Variants in PCDH10 observed in about 807,000 individuals in gnomAD.
PCDH10 encodes the protein protocadherin-10.
A neutral mutation model predicts 74.4 loss-of-function variants in PCDH10; 15 were observed. The observed-to-expected ratio is 0.20, with a 90% CI of 0.13 to 0.31. The LOEUF (loss-of-function observed/expected upper bound fraction) is 0.31. PCDH10 is among the 10% of genes least tolerant of loss of function. The pLI, the probability that PCDH10 is intolerant of heterozygous loss-of-function variation, is 1.00. For synonymous variants in PCDH10, 619 were observed against 589.8 expected, an observed-to-expected ratio of 1.05 and a Z score of -0.72; for missense variants, 1,260 against 1,390.2, an observed-to-expected ratio of 0.91 and a Z score of 1.49.
chr4:133,206,013 C>T (rs912915646), intron 2 of PCDH10, among the ~76,000 whole-genome samples: 3 of 152,100 alleles, frequency 2.0e-5, no homozygotes, highest in Non-Finnish European at 2.9e-5. Flanking sequence ...TACTCTAAAA[C>T]GCTGAAGATA....
intron 4 of PCDH10, among the ~76,000 whole-genome samples, chr4:133,165,629 GT>G (rs202005515): frequency 3.6e-5 from 5 of 138,568 alleles, no homozygotes; most frequent in East Asian, 3.6e-4. Context: ...AAGTTGTAGA[GT>G]TTTTTTGCTA....
rs1294853304 is a variant in PCDH10 at position 133,152,080 on chromosome 4, A to T, written c.1940A>T (p.Lys647Met). ...CGCACAGCACGCCGAGTCCCGGCCA[A>T]GCGCGACCCCCAGCGGCCTTATGAG... ...ELRTARRVPAKRDPQRPYELV... is the reference protein window; with the variant it reads ...ELRTARRVPAMRDPQRPYELV... Residue 647 changes from lysine (K) to methionine (M), a missense_variant, in exon 1 of 5, where the codon AAG becomes ATG. Lys to Met is a moderately conservative substitution (Grantham distance 95, BLOSUM62 -1). This residue lies in a region of PCDH10 where 587 missense variants were observed against 616.9 expected (regional missense o/e 0.95). Coordinates refer to ENST00000264360, the MANE Select transcript of PCDH10 (RefSeq NM_032961.3). 6.2e-7 allele frequency: 1 copy of T among 1,600,176 alleles called. No individual in the cohort carries two copies. Among genetic ancestry groups the T allele is most frequent in the Non-Finnish European group, 8.5e-7 (1 of 1,173,926 alleles).
chr4:133,181,825 T>A (rs1355008450), intron 4 of PCDH10, among the ~76,000 whole-genome samples: 1 of 152,124 alleles, frequency 6.6e-6, no homozygotes, highest in Non-Finnish European at 1.5e-5. Context: ...ATTTACACAC[T>A]GTTTCTACGT....
chr4:133,194,228 C>A lies in PCDH10; in HGVS notation c.*4068C>A, dbSNP rs772676836. The A allele has an allele frequency of 2.6e-5, 4 of 151,746 alleles. No individual in the cohort carries two copies. Among genetic ancestry groups the A allele is most frequent in the African/African-American group, 9.7e-5 (4 of 41,398 alleles). 9.4% of individuals were successfully genotyped at this position (151,746 alleles called of 1,614,324 possible). Reference sequence around the variant, plus strand: ...AAAATTAGAAAAATTGCTTTTATTTCTTGAAAAGTTGTCACATGCTTAGTT... The same window carrying A: ...AAAATTAGAAAAATTGCTTTTATTTATTGAAAAGTTGTCACATGCTTAGTT... On this transcript the variant is annotated 3_prime_UTR_variant, in exon 5 of 5. Coordinates refer to ENST00000264360, the MANE Select transcript of PCDH10 (RefSeq NM_032961.3).
In PCDH10 at chr4:133,150,492, A is replaced by C; in HGVS notation, c.352A>C (p.Asn118His). Residue 118 changes from asparagine to histidine, a missense_variant, in exon 1 of 5, where the codon AAC (asparagine) becomes CAC (histidine). Transcript: ENST00000264360. ...GATCGAGGTGCTGGACATTAATGAC[A>C]ACCCCCCCTCTTTCCCGGAGCCAGA... Reference protein sequence around the residue: ...VEIEVLDINDNPPSFPEPDLT... With the variant: ...VEIEVLDINDHPPSFPEPDLT... The C allele has an allele frequency of 6.2e-7, 1 of 1,611,954 alleles. No individual in the cohort carries two copies. The highest frequency in any genetic ancestry group is 8.5e-7 in the Non-Finnish European group (1 of 1,179,328).
In PCDH10 at chr4:133,149,946, A is replaced by AAAAATGAG. The variant is rs1484770838; in HGVS notation, c.-194_-187dup. 5.8e-6 allele frequency: 4 copies of AAAAATGAG among 685,870 alleles called. No homozygotes were observed. Among genetic ancestry groups the AAAAATGAG allele is most frequent in the Non-Finnish European group, 8.6e-6 (4 of 464,914 alleles). The allele number at this position is 685,870 out of a possible 1,614,324, so 42.5% of individuals were successfully genotyped here. ...ACCCTTCCTGTGCTAAGATTTAAAA[A>AAAAATGAG]AAAATGAGGCTGGATTGCGGGAAGC... On this transcript the variant is annotated 5_prime_UTR_variant, in exon 1 of 5. It adds an upstream start codon to the 5' untranslated region. Transcript: ENST00000264360.
chr4:133,200,209 T>C (rs1323699074), intron 2 of PCDH10, among the ~76,000 whole-genome samples: 1 of 151,994 alleles, frequency 6.6e-6, no homozygotes, highest in Non-Finnish European at 1.5e-5. Flanking sequence ...AACTTTCTCA[T>C]TAATAATGTT....
At chr4:133,183,604 C>A (rs1007029837) in intron 4 of PCDH10, among the ~76,000 whole-genome samples, 1 of 152,092 alleles carries the variant, frequency 6.6e-6, no homozygotes, top group African/African-American at 2.4e-5. Flanking sequence ...TTTTGAAATT[C>A]TCTTGGTAGT....
intron 4 of PCDH10, among the ~76,000 whole-genome samples, chr4:133,176,178 A>G (rs2125868240): frequency 6.6e-6 from 1 of 152,170 alleles, no homozygotes; most frequent in East Asian, 1.9e-4. Flanking sequence ...CTTATAGCCT[A>G]CTATGGATTT....
intron 4 of PCDH10, among the ~76,000 whole-genome samples, chr4:133,189,714 T>C (rs1422277391): frequency 6.6e-6 from 1 of 152,046 alleles, no homozygotes; most frequent in African/African-American, 2.4e-5. Flanking sequence ...ATTGGTTTAA[T>C]ATGTATAATT....
intron 2 of PCDH10, among the ~76,000 whole-genome samples, chr4:133,204,206 C>T (rs974477298): frequency 5.3e-5 from 8 of 152,168 alleles, no homozygotes; most frequent in Non-Finnish European, 7.4e-5. Context: ...AACGGCGGCT[C>T]TTGTTAGGCA....
In PCDH10 at chr4:133,152,467, G is replaced by C. The variant is rs987665826; in HGVS notation, c.2327G>C (p.Arg776Pro). 1 of 1,614,112 alleles carries C rather than the reference G, an allele frequency of 6.2e-7. No individual in the cohort carries two copies. The highest frequency in any genetic ancestry group is 8.5e-7 in the Non-Finnish European group (1 of 1,180,010). Residue 776 changes from arginine to proline, a missense_variant, in exon 1 of 5, where the codon CGG (arginine) becomes CCG (proline). Transcript: ENST00000264360. ...GGSTCCGRQARARKKKLSKSD... is the reference protein window; with the variant it reads ...GGSTCCGRQAPARKKKLSKSD... ...TCGACCTGCTGTGGCCGCCAAGCCC[G>C]GGCGCGCAAGAAGAAACTCAGCAAG... is the stretch of plus-strand genomic sequence containing the variant.
At chr4:133,158,842 C>T (rs1560706591) in intron 3 of PCDH10, among the ~76,000 whole-genome samples, 1 of 151,804 alleles carries the variant, frequency 6.6e-6, no homozygotes, top group African/African-American at 2.4e-5. Context: ...TGAAAATGTG[C>T]AGAGATTTAT....
chr4:133,199,790 T>C lies in PCDH10; in HGVS notation n.438-8286T>C, dbSNP rs544394215. On this transcript the variant is annotated intron_variant and non_coding_transcript_variant, in intron 2 of 2. Transcript: ENST00000511112. ...ATTATTATTATTATTATTATTACTATTATTATTATTATTATTATTATTTTC... is the reference window on the plus strand; with the variant it reads ...ATTATTATTATTATTATTATTACTACTATTATTATTATTATTATTATTTTC... 8.6e-5 allele frequency among the ~76,000 whole-genome samples: 11 copies of C among 127,758 alleles called. 1 individual carries two copies. The highest frequency in any genetic ancestry group is 4.8e-4 in the South Asian group (2 of 4,156). 83.8% of individuals were successfully genotyped at this position (127,758 alleles called of 152,430 possible).
chr4:133,159,958 A>AT (rs773889765), intron 3 of PCDH10, among the ~76,000 whole-genome samples: 2 of 152,086 alleles, frequency 1.3e-5, no homozygotes, highest in Non-Finnish European at 2.9e-5. Flanking sequence ...AAAGTGCTAT[A>AT]TTTAATGGGA....
chr4:133,195,614 T>C (rs1727780447), downstream of PCDH10, among the ~76,000 whole-genome samples: 2 of 152,094 alleles, frequency 1.3e-5, no homozygotes, highest in Admixed American at 1.3e-4. Context: ...AATGGTACTA[T>C]CTGCCTTTAG....
intron 2 of PCDH10, 104 bp from the exon 3 acceptor site, chr4:133,154,813 G>A (rs1264283743): frequency 1.3e-6 from 1 of 763,784 alleles, no homozygotes; most frequent in African/African-American, 1.7e-5. Flanking sequence ...CAACTAAGAG[G>A]TCTGTGAGTC....
intron 4 of PCDH10, among the ~76,000 whole-genome samples, chr4:133,189,229 A>G (rs1727605883): frequency 6.6e-6 from 1 of 152,102 alleles, no homozygotes; most frequent in South Asian, 2.1e-4. Context: ...TTTTAATGAG[A>G]TATGTGAAAA....
intron 3 of PCDH10, among the ~76,000 whole-genome samples, chr4:133,162,775 A>C (rs112781184): frequency 6.6e-6 from 1 of 152,202 alleles, no homozygotes; most frequent in African/African-American, 2.4e-5. Context: ...CTTATCTTTT[A>C]CATTTGCAGA....
Sources: allele counts gnomAD v4.1 joint callset (sites outside exome capture counted in the v4.1 genomes callset), GRCh38; gene constraint gnomAD v4.1.1; regional missense constraint gnomAD v4.1.1; transcripts MANE v1.5; gene names NCBI Gene and HGNC (gene_info 2026-07-23, HGNC 2026-07-21).